Variants in PRKCA observed in about 807,000 individuals in gnomAD.
PRKCA encodes protein kinase C alpha.
In PRKCA, 27 loss-of-function variants were observed where a neutral mutation model predicts 87.0. The ratio of observed to expected loss-of-function variants is 0.31; its 90% CI spans 0.23 to 0.43. The LOEUF is 0.43. Among genes scored for constraint, PRKCA ranks in the 20% least tolerant of loss-of-function variants. PRKCA has a pLI of 1.00. For missense variants in PRKCA, 518 were observed against 852.3 expected (o/e 0.61, Z 4.88); for synonymous variants, 329 against 311.1 (o/e 1.06, Z -0.61).
intron 3 of PRKCA, among the ~76,000 whole-genome samples, chr17:66,567,024 A>G (rs1212547474): frequency 6.6e-6 from 1 of 152,234 alleles, no homozygotes; most frequent in Non-Finnish European, 1.5e-5. Flanking sequence ...TTGTCACATT[A>G]TGTAATATTT....
chr17:66,344,132 G>T (rs1325534048), intron 2 of PRKCA, among the ~76,000 whole-genome samples: 2 of 152,068 alleles, frequency 1.3e-5, no homozygotes, highest in African/African-American at 2.4e-5. Context: ...ATTGTCATAG[G>T]CTCGTAAAGC....
intron 7 of PRKCA, 150 bp from the exon 8 acceptor site, chr17:66,688,801 A>T (rs1972699413): frequency 4.7e-6 from 3 of 643,768 alleles, no homozygotes; most frequent in Non-Finnish European, 8.2e-6. Flanking sequence ...ACCCTGTCTC[A>T]AAAATATAAA....
intron 2 of PRKCA, among the ~76,000 whole-genome samples, chr17:66,391,996 C>T (rs1385705972): frequency 1.3e-5 from 2 of 152,070 alleles, no homozygotes; most frequent in Admixed American, 6.5e-5. Context: ...TTTGGGAGGC[C>T]GAGGCTGGCA....
rs1243318598 is a variant in PRKCA, at chr17:66,316,497, CT to C, written c.205+10372del. Among the ~76,000 whole-genome samples the C allele has an allele frequency of 2.6e-5, 4 of 152,222 alleles. No homozygotes were observed. In the East Asian group the frequency reaches 7.7e-4, roughly 29 times the overall value. On this transcript the variant is annotated intron_variant, in intron 2 of 16. Transcript: ENST00000413366. ...GGCCCAACACAAACTTGAAAACTTT[CT>C]TAAAAAATTATGAATTTTTAAATTT...
chr17:66,698,604 C>T (rs977355797), intron 8 of PRKCA, among the ~76,000 whole-genome samples: 1 of 151,628 alleles, frequency 6.6e-6, no homozygotes, highest in African/African-American at 2.4e-5. Flanking sequence ...ATTTATGGGA[C>T]AACATTAAAA....
At chr17:66,326,608 A>G (rs533527826) in intron 2 of PRKCA, among the ~76,000 whole-genome samples, 1 of 152,266 alleles carries the variant, frequency 6.6e-6, no homozygotes, top group South Asian at 2.1e-4. Flanking sequence ...AGCGCAGACA[A>G]CTCAGTAATT....
intron 12 of PRKCA, 31 bp from the exon 13 acceptor site, chr17:66,742,591 A>C: frequency 6.2e-7 from 1 of 1,609,876 alleles, no homozygotes; most frequent in South Asian, 1.1e-5. Flanking sequence ...TGTCATGGGA[A>C]GGACTCTGAT....
intron 3 of PRKCA, among the ~76,000 whole-genome samples, chr17:66,567,844 T>A (rs1238475196): frequency 2.6e-5 from 4 of 152,134 alleles, no homozygotes; most frequent in Admixed American, 6.5e-5. Flanking sequence ...TGGGAAGAAG[T>A]CCAAAAATCT....
intron 2 of PRKCA, among the ~76,000 whole-genome samples, chr17:66,429,507 C>A (rs1002592668): frequency 2.0e-5 from 3 of 152,068 alleles, no homozygotes; most frequent in Non-Finnish European, 2.9e-5. Flanking sequence ...CATTTAATAA[C>A]CAGTTAGTAG....
chr17:66,370,604 G>A (rs1310621562), intron 2 of PRKCA, among the ~76,000 whole-genome samples: 1 of 130,296 alleles, frequency 7.7e-6, no homozygotes, highest in East Asian at 2.2e-4. Flanking sequence ...CAAGATGCGT[G>A]TAGTGGTGTG....
At chr17:66,613,187 C>A (rs777840600) in intron 3 of PRKCA, among the ~76,000 whole-genome samples, 24 of 152,162 alleles carry the variant, frequency 1.6e-4, no homozygotes, top group Non-Finnish European at 2.8e-4. Flanking sequence ...TGCAGCGGAG[C>A]CTTGACCGCT....
chr17:66,596,735 C>T (rs2094703801), intron 3 of PRKCA, among the ~76,000 whole-genome samples: 1 of 85,022 alleles, frequency 1.2e-5, no homozygotes, highest in Non-Finnish European at 2.3e-5. Context: ...CCCCCCTCCC[C>T]CGACCCCACC....
intron 3 of PRKCA, among the ~76,000 whole-genome samples, chr17:66,612,381 CAAA>C (rs1200272317): frequency 2.3e-5 from 2 of 87,852 alleles, no homozygotes; most frequent in African/African-American, 4.1e-5. Flanking sequence ...AAATCTGTCT[CAAA>C]AAAAAAAAAA....
At chr17:66,537,557 C>T (rs1217819133) in intron 3 of PRKCA, among the ~76,000 whole-genome samples, 2 of 152,154 alleles carry the variant, frequency 1.3e-5, no homozygotes, top group African/African-American at 4.8e-5. Flanking sequence ...CATCCGAATG[C>T]CGTGTGGTCT....
chr17:66,702,212 A>G (rs1440154335), intron 8 of PRKCA, among the ~76,000 whole-genome samples: 1 of 152,022 alleles, frequency 6.6e-6, no homozygotes, highest in African/African-American at 2.4e-5. Context: ...ATATGTGTGT[A>G]TGTGTGTGTA....
At chr17:66,420,311 G>A (rs1567819878) in intron 2 of PRKCA, among the ~76,000 whole-genome samples, 1 of 152,018 alleles carries the variant, frequency 6.6e-6, no homozygotes, top group Admixed American at 6.5e-5. Context: ...ACCTGGCCAG[G>A]GGACATGTTC....
At chr17:66,666,439 C>G (rs1972044784) in intron 5 of PRKCA, among the ~76,000 whole-genome samples, 1 of 152,150 alleles carries the variant, frequency 6.6e-6, no homozygotes, top group African/African-American at 2.4e-5. Flanking sequence ...TTTCTCGCTG[C>G]TCATTTGAAC....
At position 66,803,540 on chromosome 17, in the gene PRKCA, G is replaced by A. The variant is rs1425120682; in HGVS notation, c.1855-333G>A. ...ACGGAGCTGTGACTGACGGCCCTGC[G>A]TGCGTGGCTTCCGTGCTCTCAGCTC... On this transcript the variant is annotated intron_variant, in intron 16 of 16. Transcript: ENST00000413366. The surrounding 1 kb of genome is among the most constrained non-coding windows in gnomAD (Gnocchi z 4.4). 1.3e-5 allele frequency among the ~76,000 whole-genome samples: 2 copies of A among 152,334 alleles called. No individual in the cohort carries two copies. Among genetic ancestry groups the A allele is most frequent in the African/African-American group, 2.4e-5 (1 of 41,580 alleles).
chr17:66,377,001 C>T (rs540875083), intron 2 of PRKCA, among the ~76,000 whole-genome samples: 1 of 151,804 alleles, frequency 6.6e-6, no homozygotes, highest in African/African-American at 2.4e-5. Flanking sequence ...CCTGCAAAAT[C>T]CCAAAGCCTC....
Sources: gnomAD v4.1 joint callset for allele counts (sites outside exome capture counted in the v4.1 genomes callset) on GRCh38, gnomAD v4.1.1 for gene constraint, Gnocchi (gnomAD v3.1) non-coding constraint, MANE v1.5 for transcripts, NCBI Gene and HGNC (gene_info 2026-07-23, HGNC 2026-07-21) for gene names.